Variants in VRK2 observed in about 807,000 individuals in gnomAD.
VRK2 encodes VRK serine/threonine kinase 2, also known as serine/threonine-protein kinase VRK2.
Under a neutral mutation model 57.6 loss-of-function variants are expected in VRK2, and 60 were observed. The ratio of observed to expected loss-of-function variants is 1.04; its 90% CI spans 0.85 to 1.29. VRK2 has a LOEUF of 1.29. VRK2 is among the 50% of genes most tolerant of loss of function. The pLI, the probability that VRK2 is intolerant of heterozygous loss-of-function variation, is 0.00. For synonymous variants in VRK2, 231 were observed against 199.2 expected (o/e 1.16, Z -1.35); for missense variants, 705 against 588.1 (o/e 1.20, Z -2.06).
chr2:58,135,098 G>A (rs776587922), intron 9 of VRK2, 43 bp from the exon 10 acceptor site: 2 of 1,601,334 alleles, frequency 1.2e-6, no homozygotes, highest in East Asian at 2.2e-5. Context: ...ATAATCACAG[G>A]GTTGAAAACA....
chr2:58,145,130 A>G (rs114881563), intron 11 of VRK2, among the ~76,000 whole-genome samples: 185 of 152,134 alleles, frequency 1.2e-3, no homozygotes, highest in African/African-American at 4.1e-3. Context: ...AATACTTCAT[A>G]TAAGGACCTT....
At chr2:58,097,958 TG>T (rs1673398324) in intron 7 of VRK2, among the ~76,000 whole-genome samples, 1 of 152,040 alleles carries the variant, frequency 6.6e-6, no homozygotes, top group Non-Finnish European at 1.5e-5. Flanking sequence ...TCCAGAAGAT[TG>T]TTTGTTATCA....
At chr2:57,923,692 T>G (rs908324567) in intron 1 of VRK2, among the ~76,000 whole-genome samples, 5 of 151,884 alleles carry the variant, frequency 3.3e-5, no homozygotes, top group Non-Finnish European at 5.9e-5. Context: ...TCTCTTCACC[T>G]TTTTTTGTTT....
At chr2:58,142,773 C>T (rs1234543934) in intron 11 of VRK2, among the ~76,000 whole-genome samples, 1 of 151,888 alleles carries the variant, frequency 6.6e-6, no homozygotes, top group African/African-American at 2.4e-5. Flanking sequence ...CATTACGACC[C>T]TTGAATAAGC....
intron 7 of VRK2, among the ~76,000 whole-genome samples, chr2:58,099,908 C>A (rs1272670258): frequency 1.3e-5 from 2 of 152,084 alleles, no homozygotes; most frequent in Non-Finnish European, 2.9e-5. Context: ...CTCTAAAATT[C>A]TATGATTTTA....
intron 1 of VRK2, among the ~76,000 whole-genome samples, chr2:58,000,003 T>TGCACACACGCACACAC (rs540746151): frequency 4.0e-5 from 6 of 151,820 alleles, no homozygotes; most frequent in Non-Finnish European, 7.4e-5. Context: ...CACACACACA[T>TGCACACACGCACACAC]GCACACACGC....
At chr2:58,088,613 G>GT (rs1486721798) in intron 6 of VRK2, among the ~76,000 whole-genome samples, 167 bp downstream of exon 6, 1 of 152,196 alleles carries the variant, frequency 6.6e-6, no homozygotes, top group Non-Finnish European at 1.5e-5. Flanking sequence ...AATGGGCTCT[G>GT]TAAGTGACAG....
At chr2:58,083,940 A>G (rs967399978) in intron 2 of VRK2, 149 bp from the exon 3 acceptor site, 10 of 718,798 alleles carry the variant, frequency 1.4e-5, no homozygotes, top group Non-Finnish European at 2.1e-5. Context: ...TAAAATGGAG[A>G]TGATTGATTC....
chr2:57,928,176 G>A (rs1670603259), intron 1 of VRK2, among the ~76,000 whole-genome samples: 2 of 151,990 alleles, frequency 1.3e-5, no homozygotes, highest in South Asian at 4.2e-4. Context: ...CCCTTCTGAG[G>A]CTATCTGGCA....
chr2:58,138,124 TG>T (rs1680812295), intron 10 of VRK2, among the ~76,000 whole-genome samples: 1 of 152,218 alleles, frequency 6.6e-6, no homozygotes, highest in African/African-American at 2.4e-5. Flanking sequence ...TTCCTCATTT[TG>T]GATATTCTGG....
At chr2:58,017,248 T>C (rs1673613779) in intron 1 of VRK2, among the ~76,000 whole-genome samples, 1 of 152,174 alleles carries the variant, frequency 6.6e-6, no homozygotes, top group South Asian at 2.1e-4. Flanking sequence ...TGTTGTGATG[T>C]TGCCCACCTC....
intron 5 of VRK2, among the ~76,000 whole-genome samples, chr2:58,087,057 C>T (rs905319229): frequency 2.0e-5 from 3 of 152,066 alleles, no homozygotes; most frequent in East Asian, 3.9e-4. Context: ...TCTTTAAAAC[C>T]ACCAAATATG....
At chr2:57,921,871 T>C (rs1670361437) in intron 1 of VRK2, among the ~76,000 whole-genome samples, 1 of 152,130 alleles carries the variant, frequency 6.6e-6, no homozygotes, top group Non-Finnish European at 1.5e-5. Context: ...AGTTTGTTTC[T>C]TTCGCTTCAA....
intron 1 of VRK2, among the ~76,000 whole-genome samples, chr2:57,978,660 C>T (rs72808489): frequency 0.16 from 23,850 of 148,766 alleles, 2,787 homozygotes; most frequent in African/African-American, 0.27. Context: ...TATTGGCTTA[C>T]TTGATTTGTT....
chr2:58,096,453 A>G (rs949968162), intron 7 of VRK2, among the ~76,000 whole-genome samples: 2 of 151,588 alleles, frequency 1.3e-5, no homozygotes, highest in Admixed American at 1.3e-4. Context: ...CTTTATCTCT[A>G]TTTGAGTGTC....
chr2:57,980,826 G>A (rs1202480484), intron 1 of VRK2, among the ~76,000 whole-genome samples: 1 of 151,848 alleles, frequency 6.6e-6, no homozygotes, highest in African/African-American at 2.4e-5. Context: ...TTTCAAGTCT[G>A]TTTTGCCTAA....
At chr2:58,139,887 C>T (rs1370133724) in intron 11 of VRK2, 55 bp downstream of exon 11, 6 of 1,468,856 alleles carry the variant, frequency 4.1e-6, no homozygotes, top group Middle Eastern at 2.2e-4. Flanking sequence ...ACTTTTCTAT[C>T]GAATGAAATT....
intron 2 of VRK2, among the ~76,000 whole-genome samples, chr2:58,027,704 C>T (rs1410267900): frequency 6.6e-6 from 1 of 152,080 alleles, no homozygotes; most frequent in Non-Finnish European, 1.5e-5. Context: ...GAAATAATGA[C>T]ATAACTTTAT....
In VRK2 at chr2:58,116,036, C is replaced by T. The variant is rs1340977004; in HGVS notation, c.544-7065C>T. ...GCAGATTCTGAACTAACTTTTAAGC[C>T]TTGTCTGGTTTTAGGACAGGTAAAA... On this transcript the variant is annotated intron_variant, in intron 7 of 12. Coordinates refer to ENST00000340157, the MANE Select transcript of VRK2 (RefSeq NM_006296.7). 2.6e-5 allele frequency among the ~76,000 whole-genome samples: 4 copies of T among 152,156 alleles called. No individual in the cohort carries two copies. In the South Asian group the frequency reaches 6.2e-4, roughly 24 times the overall value.
Sources: allele counts gnomAD v4.1 joint callset (sites outside exome capture counted in the v4.1 genomes callset), GRCh38; gene constraint gnomAD v4.1.1; transcripts MANE v1.5; gene names NCBI Gene and HGNC (gene_info 2026-07-23, HGNC 2026-07-21).